Variants in MICAL1 observed in about 807,000 individuals in gnomAD.
The protein encoded by MICAL1 is [F-actin]-monooxygenase MICAL1.
MICAL1 carries 95 observed loss-of-function variants against 131.8 expected under a neutral mutation model. That is an observed-to-expected ratio of 0.72 (90% CI 0.61 to 0.86). The LOEUF (loss-of-function observed/expected upper bound fraction) is 0.86, where lower values mean the gene tolerates loss of function less well. Among genes scored for constraint, MICAL1 ranks in the 40% least tolerant of loss-of-function variants. MICAL1 has a pLI of 0.00. For synonymous variants in MICAL1, 546 were observed against 554.2 expected (o/e 0.99, Z 0.21); for missense variants, 1,292 against 1,380.6 (o/e 0.94, Z 1.02).
intron 1 of MICAL1, chr6:109,462,893 A>C (rs1159813739): frequency 6.6e-6 from 1 of 152,268 alleles, no homozygotes; most frequent in African/African-American, 2.4e-5. Context: ...ATTTAGTAGA[A>C]AATGAATTGT....
rs116647620 is a variant in MICAL1 at position 109,452,539 on chromosome 6, C to T, written c.648G>A (p.Ser216=). 2.1e-3 allele frequency: 3,352 copies of T among 1,613,798 alleles called. 71 individuals carry two copies. The African/African-American group carries it at 0.039, about 19-fold the overall frequency. Residue 216 remains serine, a synonymous_variant, in exon 5 of 25, where the codon TCG becomes TCA. Transcript: ENST00000358807. The part of the protein sequence containing the change: ...LANYEFDVLI[S]AAGGKFVPEG... ...CAGGGACGAATTTACCTCCTGCAGC[C>T]GAGATAAGGACGTCAAATTCATAGT... is the stretch of plus-strand genomic sequence containing the variant.
upstream of MICAL1, among the ~76,000 whole-genome samples, chr6:109,458,135 A>AC (rs1354089043): frequency 2.6e-5 from 4 of 152,244 alleles, no homozygotes; most frequent in East Asian, 7.7e-4. Flanking sequence ...AAAAAAAAAA[A>AC]AACTCTATTA....
In MICAL1 at chr6:109,449,856, C is replaced by G. The variant is rs374618670; in HGVS notation, c.1308-73G>C. On this transcript the variant is annotated intron_variant, in intron 9 of 24. Coordinates refer to ENST00000358807, the MANE Select transcript of MICAL1 (RefSeq NM_022765.4). The stretch of plus-strand genomic sequence containing the variant: ...GTCAGCACCCACCTCTCAGGAACTG[C>G]CAGGCCTTTTCTTCTGCCTATTCCT... 22 of 1,582,828 alleles carry G rather than the reference C, an allele frequency of 1.4e-5. No individual in the cohort carries two copies. In the East Asian group the frequency reaches 4.7e-4, roughly 34 times the overall value.
chr6:109,454,166 G>A lies in MICAL1; in HGVS notation c.31C>T (p.His11Tyr). The change falls in exon 2 of 25, where the codon CAT (histidine) becomes TAT (tyrosine). Residue 11 changes from histidine (H) to tyrosine (Y), a missense_variant. Physicochemically the swap from His to Tyr is moderately conservative, Grantham distance 83. Coordinates refer to ENST00000358807, the MANE Select transcript of MICAL1 (RefSeq NM_022765.4). ...TGCAGGAAGCTCTCAAAGTGGGCATGCGCTGGGTTGGTGGAGGTAGGTGAA... is the reference window on the plus strand; with the variant it reads ...TGCAGGAAGCTCTCAAAGTGGGCATACGCTGGGTTGGTGGAGGTAGGTGAA... MASPTSTNPA[H>Y]AHFESFLQAQ... 1 of 1,608,690 alleles carries A rather than the reference G, an allele frequency of 6.2e-7. No homozygotes were observed. The highest frequency in any genetic ancestry group is 8.5e-7 in the Non-Finnish European group (1 of 1,177,824).
At chr6:109,447,644 T>G (rs778420901) in intron 15 of MICAL1, 37 bp downstream of exon 15, 1 of 1,613,394 alleles carries the variant, frequency 6.2e-7, no homozygotes, top group Non-Finnish European at 8.5e-7. Context: ...GGATAAAATG[T>G]GGGGTAGGAG....
In MICAL1 at chr6:109,452,132, A is replaced by G. The variant is rs186702907; in HGVS notation, c.832+114T>C. 3.4e-5 allele frequency: 51 copies of G among 1,482,456 alleles called. 1 individual carries two copies. In the East Asian group the frequency reaches 3.9e-4, roughly 11 times the overall value. 91.8% of individuals were successfully genotyped at this position (1,482,456 alleles called of 1,614,324 possible). Reference sequence around the variant, plus strand: ...TCCTTCTCCTTTGCTGCTGAGACCAAAAAAACAGAAAAGTGTGGAGTTCCT... The same window carrying G: ...TCCTTCTCCTTTGCTGCTGAGACCAGAAAAACAGAAAAGTGTGGAGTTCCT... On this transcript the variant is annotated intron_variant, in intron 6 of 24. Coordinates refer to ENST00000358807, the MANE Select transcript of MICAL1 (RefSeq NM_022765.4).
chr6:109,459,515 C>G (rs1174776370), upstream of MICAL1, among the ~76,000 whole-genome samples: 1 of 152,170 alleles, frequency 6.6e-6, no homozygotes, highest in Non-Finnish European at 1.5e-5. Flanking sequence ...TGTCTCTTGG[C>G]TTGGAGTGGG....
At chr6:109,456,055 CTCTGGGTGGG>C (rs2115343499), upstream of MICAL1, 1 of 984,194 alleles carries the variant, frequency 1.0e-6, no homozygotes, top group African/African-American at 1.7e-5. Flanking sequence ...GCTCTGGGGC[CTCTGGGTGGG>C]TCTGGCCTGT....
In MICAL1 at chr6:109,454,555, C is replaced by T; in HGVS notation, c.-43-316G>A. ...CAAGCCCTGGGGTAGGAATTCTTAGCCTGCCTTCCTTAGGCCTTGGAATCA... is the reference window on the plus strand; with the variant it reads ...CAAGCCCTGGGGTAGGAATTCTTAGTCTGCCTTCCTTAGGCCTTGGAATCA... On this transcript the variant is annotated intron_variant, in intron 1 of 24. Coordinates refer to ENST00000358807, the MANE Select transcript of MICAL1 (RefSeq NM_022765.4). 1.1e-5 allele frequency: 4 copies of T among 359,322 alleles called. No homozygotes were observed. In the South Asian group the frequency reaches 1.2e-4, roughly 11 times the overall value. 22.3% of individuals were successfully genotyped at this position (359,322 alleles called of 1,614,324 possible). A position where few individuals can be genotyped will look rare whatever the true frequency, so the allele number is the denominator to read the frequency against.
intron 13 of MICAL1, 65 bp downstream of exon 13, chr6:109,448,138 C>T: frequency 2.1e-6 from 1 of 479,642 alleles, no homozygotes; most frequent in East Asian, 9.9e-5. Context: ...CTCTGTCACA[C>T]ACACACACAC....
intron 14 of MICAL1, 48 bp downstream of exon 14, chr6:109,447,827 C>T: frequency 6.2e-7 from 1 of 1,611,686 alleles, no homozygotes; most frequent in Non-Finnish European, 8.5e-7. Flanking sequence ...TGGGTACCCC[C>T]CTGCCCACTC....
intron 1 of MICAL1, chr6:109,465,515 G>T: frequency 1.1e-6 from 1 of 872,544 alleles, no homozygotes; most frequent in Non-Finnish European, 1.7e-6. Flanking sequence ...AGGTTGGCAA[G>T]ACCATAACCT....
upstream of MICAL1, among the ~76,000 whole-genome samples, chr6:109,460,054 CCTT>C (rs1775846786): frequency 6.6e-6 from 1 of 151,564 alleles, no homozygotes. Flanking sequence ...CAAATTTTTT[CCTT>C]TTTTCACACT....
chr6:109,462,904 G>T (rs1292679782), intron 1 of MICAL1: 6 of 152,206 alleles, frequency 3.9e-5, no homozygotes, highest in Admixed American at 2.0e-4. Context: ...AATGAATTGT[G>T]AAACACTGCA....
exon 1 of MICAL1, chr6:109,465,671 A>C: frequency 6.3e-7 from 1 of 1,585,242 alleles, no homozygotes; most frequent in Non-Finnish European, 8.5e-7. Flanking sequence ...TACCTTAGAC[A>C]AGACATACAC....
intron 20 of MICAL1, 81 bp downstream of exon 20, chr6:109,445,678 AAGACATTCCAAG>A (rs1274191294): frequency 6.6e-7 from 1 of 1,519,412 alleles, no homozygotes; most frequent in African/African-American, 1.4e-5. Context: ...GCCAAGTGAG[AAGACATTCCAAG>A]AGAAGGGTGC....
chr6:109,464,750 GA>G (rs1775992490), intron 1 of MICAL1: 6 of 152,190 alleles, frequency 3.9e-5, no homozygotes, highest in Non-Finnish European at 8.8e-5. Context: ...AGGTTACAGT[GA>G]GCAATGATTG....
upstream of MICAL1, among the ~76,000 whole-genome samples, chr6:109,456,896 C>T (rs1299637046): frequency 6.6e-6 from 1 of 152,272 alleles, no homozygotes; most frequent in East Asian, 1.9e-4. Context: ...CTCCACCACC[C>T]CAGGGTTGAC....
chr6:109,447,541 G>C (rs1000087555), intron 15 of MICAL1, 101 bp from the exon 16 acceptor site: 1 of 1,511,350 alleles, frequency 6.6e-7, no homozygotes, highest in African/African-American at 1.4e-5. Context: ...AGGGGAGTGA[G>C]ACTAGGCAGG....
Sources: allele counts gnomAD v4.1 joint callset (sites outside exome capture counted in the v4.1 genomes callset), GRCh38; gene constraint gnomAD v4.1.1; transcripts MANE v1.5; gene names NCBI Gene and HGNC (gene_info 2026-07-23, HGNC 2026-07-21).